The following HELZ2 variants were observed in gnomAD, a reference collection of about 807,000 sequenced individuals.
HELZ2 encodes the protein helicase with zinc finger 2, also known as 3'-5' exoribonuclease HELZ2.
A neutral mutation model predicts 208.8 loss-of-function variants in HELZ2; 143 were observed. That is an observed-to-expected ratio of 0.68 (90% CI 0.60 to 0.79). The LOEUF (loss-of-function observed/expected upper bound fraction) is 0.79. Ranked by LOEUF, HELZ2 falls within the 30% of genes least tolerant of loss-of-function variation. The pLI, the probability that HELZ2 is intolerant of heterozygous loss-of-function variation, is 0.00. For synonymous variants in HELZ2, 1,705 were observed against 1,693.7 expected, an observed-to-expected ratio of 1.01 and a Z score of -0.16; for missense variants, 3,690 against 3,794.5, an observed-to-expected ratio of 0.97 and a Z score of 0.72.
chr20:63,560,765 T>C (rs1600966797), intron 15 of HELZ2, 30 bp downstream of exon 16: 2 of 1,605,584 alleles, frequency 1.2e-6, no homozygotes, highest in Middle Eastern at 1.7e-4. Context: ...GGGCTGCAGG[T>C]GGGCTGGGGG....
rs772767786 is a variant in HELZ2 at position 63,563,129 on chromosome 20, G to A, written c.5693C>T (p.Pro1898Leu). ...TGCCACCGTCCAGAGCTGAGGGCTCGGTACCAGGAAGCCGTGCTGCAGGCT... is the reference window on the plus strand; with the variant it reads ...TGCCACCGTCCAGAGCTGAGGGCTCAGTACCAGGAAGCCGTGCTGCAGGCT... The change falls in exon 8 of 19, where the codon CCG becomes CTG. Residue 1898 changes from proline (P) to leucine (L), a missense_variant. Physicochemically the swap from Pro to Leu is moderately conservative, Grantham distance 98 (BLOSUM62 -3). Coordinates refer to ENST00000467148, the Ensembl canonical transcript of HELZ2. The A allele has an allele frequency of 1.2e-4, 188 of 1,596,226 alleles. No individual in the cohort carries two copies. The Middle Eastern group carries it at 2.0e-3, about 17-fold the overall frequency.
In HELZ2 at chr20:63,563,478, G is replaced by C. The variant is rs774098574; in HGVS notation, c.5344C>G (p.Pro1782Ala). 9 of 1,517,050 alleles carry C rather than the reference G, an allele frequency of 5.9e-6. No individual in the cohort carries two copies. The East Asian group carries it at 2.2e-4, about 37-fold the overall frequency. 94.0% of individuals were successfully genotyped at this position (1,517,050 alleles called of 1,614,324 possible). A position where few individuals can be genotyped will look rare whatever the true frequency, so the allele number is the denominator to read the frequency against. The stretch of plus-strand genomic sequence containing the variant: ...CCCGGCCGGCCTGCCAGGGCGTGGG[G>C]GTGCTCGGCCAGCTGCAGGGAGCCG... The change falls in exon 8 of 19, where the codon CCC (proline) becomes GCC (alanine). Residue 1782 changes from proline to alanine, a missense_variant. Pro to Ala is a conservative substitution (Grantham distance 27). Around this residue, in one of 3 missense-constraint regions of HELZ2, gnomAD observed 2,564 missense variants for 2,580.5 expected, o/e 0.99. Coordinates refer to ENST00000467148, the Ensembl canonical transcript of HELZ2.
exon 8 of HELZ2, chr20:63,564,946 G>A: frequency 1.2e-6 from 2 of 1,609,710 alleles, no homozygotes; most frequent in Non-Finnish European, 1.7e-6. Context: ...CCTGCTCCCA[G>A]GTGCTGGCCT....
chr20:63,561,447 G>A (rs200328586), exon 13 of HELZ2: 178 of 1,609,788 alleles, frequency 1.1e-4, no homozygotes, highest in Non-Finnish European at 1.4e-4. Context: ...TGCCGGATCC[G>A]GTGGTGCAGG....
chr20:63,569,186 G>A (rs769760157), exon 4 of HELZ2: 2 of 1,550,362 alleles, frequency 1.3e-6, no homozygotes, highest in Non-Finnish European at 1.7e-6. Context: ...CCTCCTCATA[G>A]AGAAACTGGT....
chr20:63,562,473 C>A, intron 8 of HELZ2, 47 bp downstream of exon 9: 2 of 1,521,740 alleles, frequency 1.3e-6, no homozygotes, highest in Non-Finnish European at 8.8e-7. Context: ...AAGTGAGGGG[C>A]CCGGGGCGGT....
rs776683168 is a variant in HELZ2, at chr20:63,562,679, G to C, written c.6143C>G (p.Thr2048Arg). Reference sequence around the variant, plus strand: ...CCGGCGCTCCTGGTCCCAGTCCTGCGTCTGCCCGTGGGCCACCCAGGTATA... The same window carrying C: ...CCGGCGCTCCTGGTCCCAGTCCTGCCTCTGCCCGTGGGCCACCCAGGTATA... The change falls in exon 8 of 19, where the codon ACG becomes AGG. Residue 2048 changes from threonine (T) to arginine (R), a missense_variant. By Grantham distance (71) the Thr-to-Arg change is moderately conservative. This residue lies in a region of HELZ2 where 2,564 missense variants were observed against 2,580.5 expected (regional missense o/e 0.99). Transcript: ENST00000467148. 1.3e-5 allele frequency: 20 copies of C among 1,598,210 alleles called. No individual in the cohort carries two copies. Among genetic ancestry groups the C allele is most frequent in the Non-Finnish European group, 1.6e-5 (19 of 1,173,582 alleles).
At chr20:63,574,077 C>G (rs1206385165), upstream of HELZ2, 2 of 146,134 alleles carry the variant, frequency 1.4e-5, no homozygotes, top group South Asian at 2.3e-4. Flanking sequence ...CCGGACCCCC[C>G]CCTCCGCCCC....
chr20:63,560,404 C>A, intron 16 of HELZ2, 75 bp downstream of exon 17: 1 of 1,589,296 alleles, frequency 6.3e-7, no homozygotes, highest in Non-Finnish European at 8.5e-7. Context: ...CCCTGACTCA[C>A]AAGCACCAGA....
chr20:63,569,880 C>T (rs1057005676), intron 3 of HELZ2, among the ~76,000 whole-genome samples: 3 of 152,186 alleles, frequency 2.0e-5, no homozygotes, highest in Non-Finnish European at 2.9e-5. Context: ...GTGGATGTCC[C>T]GTGGGGCAGT....
At chr20:63,568,460 T>C (rs781595604) in exon 5 of HELZ2, 6 of 1,598,070 alleles carry the variant, frequency 3.8e-6, no homozygotes, top group African/African-American at 1.3e-5. Flanking sequence ...AAAGGGGCCA[T>C]AGATGAGTAG....
chr20:63,572,451 C>A, exon 1 of HELZ2: 2 of 1,428,748 alleles, frequency 1.4e-6, no homozygotes, highest in South Asian at 1.4e-5. Context: ...CCACGCCCCA[C>A]AAACCTGCAG....
chr20:63,567,210 C>T (rs1288952507), exon 6 of HELZ2: 1 of 1,607,716 alleles, frequency 6.2e-7, no homozygotes, highest in Non-Finnish European at 8.5e-7. Flanking sequence ...GGCGGTGCAG[C>T]AGCGTGTGCT....
At chr20:63,570,647 A>ACCCCCCCC in intron 2 of HELZ2, 36 bp from the exon 4 acceptor site, 113 of 1,497,300 alleles carry the variant, frequency 7.5e-5, no homozygotes, top group Non-Finnish European at 9.1e-5. Context: ...AGAGGCCTGG[A>ACCCCCCCC]CCCCACCCCA....
rs11906845 is a variant in HELZ2, at chr20:63,563,465, G to A, written c.5357C>T (p.Ala1786Val). ...CAGGAGCCGCAGGCCCGGCCGGCCT[G>A]CCAGGGCGTGGGGGTGCTCGGCCAG... The change falls in exon 8 of 19, where the codon GCA becomes GTA. Residue 1786 changes from alanine (A) to valine (V), a missense_variant. Transcript: ENST00000467148. 846 of 1,523,156 alleles carry A rather than the reference G, an allele frequency of 5.6e-4. 1 individual carries two copies. The African/African-American group carries it at 0.011, about 19-fold the overall frequency. 94.4% of individuals were successfully genotyped at this position (1,523,156 alleles called of 1,614,324 possible).
chr20:63,559,422 CAGGGTCAGGTGGGAGG>C (rs2082854067), intron 18 of HELZ2, 52 bp from the exon 20 acceptor site: 1 of 1,514,926 alleles, frequency 6.6e-7, no homozygotes, highest in African/African-American at 1.4e-5. Context: ...TGGGAGGAGT[CAGGGTCAGGTGGGAGG>C]AGTCAGGGTC....
chr20:63,567,070 T>A (rs1319193640), exon 6 of HELZ2: 2 of 1,611,978 alleles, frequency 1.2e-6, no homozygotes, highest in African/African-American at 2.7e-5. Context: ...GTGGATGGGG[T>A]TGCCCTTGGC....
exon 18 of HELZ2, chr20:63,559,956 C>A (rs757532288): frequency 6.2e-7 from 1 of 1,611,518 alleles, no homozygotes; most frequent in Non-Finnish European, 8.5e-7. Context: ...CCTGGGCCCG[C>A]GTGACAGCCA....
rs763680583 is a variant in HELZ2, at chr20:63,560,613, C to T, written c.7366G>A (p.Val2456Ile). Reference sequence around the variant, plus strand: ...CTCTCCTTGCCAGCGTGGCCCAGGACACTGGGCGGCCTCCTCAGGCCCTGC... The same window carrying T: ...CTCTCCTTGCCAGCGTGGCCCAGGATACTGGGCGGCCTCCTCAGGCCCTGC... The change falls in exon 16 of 19, where the codon GTC (valine) becomes ATC (isoleucine). Residue 2456 changes from valine (V) to isoleucine (I), a missense_variant. By Grantham distance (29) the Val-to-Ile change is conservative (BLOSUM62 3). Coordinates refer to ENST00000467148, the Ensembl canonical transcript of HELZ2. 14 of 1,611,402 alleles carry T rather than the reference C, an allele frequency of 8.7e-6. No homozygotes were observed. The East Asian group carries it at 3.1e-4, about 36-fold the overall frequency.
Sources: allele counts gnomAD v4.1 joint callset (sites outside exome capture counted in the v4.1 genomes callset), GRCh38; gene constraint gnomAD v4.1.1; regional missense constraint gnomAD v4.1.1; transcripts MANE v1.5; gene names NCBI Gene and HGNC (gene_info 2026-07-23, HGNC 2026-07-21).